The following USP18 variants were observed in gnomAD, a reference collection of about 807,000 sequenced individuals.
The protein encoded by USP18 is ubl carboxyl-terminal hydrolase 18.
USP18 carries 11 observed loss-of-function variants against 48.7 expected under a neutral mutation model. The ratio of observed to expected loss-of-function variants is 0.23; its 90% CI spans 0.14 to 0.37. The LOEUF is 0.37. Ranked by LOEUF, USP18 falls within the 10% of genes least tolerant of loss-of-function variation. The pLI, the probability that USP18 is intolerant of heterozygous loss-of-function variation, is 1.00. For missense variants in USP18, 285 were observed against 436.4 expected (o/e 0.65, Z 3.09); for synonymous variants, 114 against 163.2 (o/e 0.70, Z 2.30).
At chr22:18,163,600 G>A (rs1197959077) in intron 4 of USP18, among the ~76,000 whole-genome samples, 3 of 150,298 alleles carry the variant, frequency 2.0e-5, no homozygotes, top group Non-Finnish European at 2.9e-5. Context: ...CCGAGATTGC[G>A]CCACTGCACT....
chr22:18,155,173 T>G (rs536568959), intron 1 of USP18, among the ~76,000 whole-genome samples: 6 of 152,358 alleles, frequency 3.9e-5, no homozygotes, highest in Non-Finnish European at 1.5e-5. Context: ...CCAGGGCCAC[T>G]GTAGTTGTCA....
chr22:18,160,066 G>C, intron 2 of USP18, 106 bp from the exon 3 acceptor site: 1 of 1,052,406 alleles, frequency 9.5e-7, no homozygotes, highest in Admixed American at 1.7e-5. Flanking sequence ...CGCCCACCTC[G>C]GCCTCCCAAA....
chr22:18,169,610 A>G (rs1219321342), intron 6 of USP18, among the ~76,000 whole-genome samples: 1 of 151,994 alleles, frequency 6.6e-6, no homozygotes. Context: ...CCCAGGTAAG[A>G]CACCTGCTCC....
chr22:18,171,729 C>T (rs890348716), intron 8 of USP18, among the ~76,000 whole-genome samples: 15 of 151,942 alleles, frequency 9.9e-5, no homozygotes, highest in African/African-American at 3.4e-4. Flanking sequence ...CCTGTATGTA[C>T]GGGTCTATTT....
chr22:18,156,449 G>T (rs1929143324), intron 1 of USP18, among the ~76,000 whole-genome samples: 1 of 152,196 alleles, frequency 6.6e-6, no homozygotes, highest in South Asian at 2.1e-4. Flanking sequence ...GGTCCACACT[G>T]CCTTTATGAA....
At chr22:18,162,380 G>A (rs1929357234) in intron 4 of USP18, among the ~76,000 whole-genome samples, 2 of 149,100 alleles carry the variant, frequency 1.3e-5, no homozygotes, top group Non-Finnish European at 3.0e-5. Flanking sequence ...AAGGTTTGTA[G>A]TGTATTCACA....
At chr22:18,150,436 TAAAAC>T (rs1397607874) in intron 1 of USP18, among the ~76,000 whole-genome samples, 1 of 150,860 alleles carries the variant, frequency 6.6e-6, no homozygotes, top group Non-Finnish European at 1.5e-5. Context: ...TGTGTTTAAT[TAAAAC>T]AAAAAAAGAA....
rs377101419 is a variant in USP18 at position 18,166,650 on chromosome 22, A to C, written c.401-605A>C. On this transcript the variant is annotated intron_variant, in intron 4 of 10. Coordinates refer to ENST00000215794, the MANE Select transcript of USP18 (RefSeq NM_017414.4). ...GTATTCGCCTTCATTGCTTTCTTGC[A>C]TGTGGCCTTGTTGTCAGCCAGAGGG... 2.0e-4 allele frequency among the ~76,000 whole-genome samples: 30 copies of C among 152,164 alleles called. 1 individual carries two copies. In the East Asian group the frequency reaches 3.3e-3, roughly 17 times the overall value.
chr22:18,174,942 C>T (rs1929742260), intron 10 of USP18, among the ~76,000 whole-genome samples: 1 of 152,100 alleles, frequency 6.6e-6, no homozygotes, highest in Non-Finnish European at 1.5e-5. Context: ...GAGATGGAGT[C>T]TTGCTCTGTC....
intron 4 of USP18, among the ~76,000 whole-genome samples, chr22:18,164,316 G>C (rs1427534152): frequency 2.0e-5 from 3 of 151,786 alleles, no homozygotes; most frequent in African/African-American, 4.8e-5. Context: ...CTTTTTGCCT[G>C]TTCACGCTGC....
intron 8 of USP18, among the ~76,000 whole-genome samples, chr22:18,171,652 T>TAA (rs991088357): frequency 4.1e-5 from 6 of 146,118 alleles, no homozygotes; most frequent in South Asian, 2.2e-4. Flanking sequence ...CAAGAAAAAC[T>TAA]AAAAAAAAAA....
rs1929471461 is a variant in USP18, at chr22:18,166,119, G to A, written c.401-1136G>A. Among the ~76,000 whole-genome samples, 5 of 152,284 alleles carry A rather than the reference G, an allele frequency of 3.3e-5. No individual in the cohort carries two copies. The South Asian group carries it at 1.0e-3, about 32-fold the overall frequency. ...CTCAGCTTTTCGCTGCATAGGTACT[G>A]TGTTCAGCTTTCCTTCCGTCCTCAG... On this transcript the variant is annotated intron_variant, in intron 4 of 10. Coordinates refer to ENST00000215794, the MANE Select transcript of USP18 (RefSeq NM_017414.4).
chr22:18,150,876 C>T lies in USP18; in HGVS notation c.-107+654C>T, dbSNP rs151259629. On this transcript the variant is annotated intron_variant, in intron 1 of 10. Coordinates refer to ENST00000215794, the MANE Select transcript of USP18 (RefSeq NM_017414.4). ...CTGAGGCAGGAGAATCGCTTGAACC[C>T]GGGAGCGGAGGTTGCGGTGAGCCGA... 1.3e-3 allele frequency among the ~76,000 whole-genome samples: 196 copies of T among 152,296 alleles called. 1 individual carries two copies. The highest frequency in any genetic ancestry group is 4.5e-3 in the African/African-American group (188 of 41,552).
In USP18 at chr22:18,150,214, G is replaced by A. The variant is rs1928957418; in HGVS notation, c.-115G>A. 6.6e-6 allele frequency: 1 copy of A among 152,260 alleles called. No homozygotes were observed. Among genetic ancestry groups the A allele is most frequent in the Admixed American group, 6.5e-5 (1 of 15,292 alleles). 9.4% of individuals were successfully genotyped at this position (152,260 alleles called of 1,614,324 possible). A position where few individuals can be genotyped will look rare whatever the true frequency, so the allele number is the denominator to read the frequency against. ...GCAGCGGAGGCTGGACGCTTGCATG[G>A]CGCTTGAGGCAAGTTCGGGGCTCAT... On this transcript the variant is annotated 5_prime_UTR_variant, in exon 1 of 11. Coordinates refer to ENST00000215794, the MANE Select transcript of USP18 (RefSeq NM_017414.4).
intron 1 of USP18, among the ~76,000 whole-genome samples, chr22:18,157,219 G>A (rs1929182613): frequency 6.6e-6 from 1 of 152,244 alleles, no homozygotes; most frequent in Non-Finnish European, 1.5e-5. Context: ...ATGCCAGCCT[G>A]GCATCAGGGG....
At chr22:18,172,702 G>T (rs1929664822) in intron 8 of USP18, among the ~76,000 whole-genome samples, 1 of 151,220 alleles carries the variant, frequency 6.6e-6, no homozygotes, top group Admixed American at 6.6e-5. Context: ...ATGGAAATAG[G>T]GATAATTTCA....
At chr22:18,154,345 T>A (rs1929072701) in intron 1 of USP18, among the ~76,000 whole-genome samples, 1 of 152,206 alleles carries the variant, frequency 6.6e-6, no homozygotes, top group African/African-American at 2.4e-5. Context: ...CAGTAATTAA[T>A]TCACATGGCT....
rs1398780671 is a variant in USP18 at position 18,170,776 on chromosome 22, C to T, written c.747C>T (p.Pro249=). 6.8e-6 allele frequency: 11 copies of T among 1,607,230 alleles called. No homozygotes were observed. Among genetic ancestry groups the T allele is most frequent in the African/African-American group, 1.4e-5 (1 of 71,464 alleles). ...GKQVLKLTHL[P]QTLTIHLMRF... ...AGGTCTTGAAGCTGACCCATTTGCC[C>T]CAGACCCTGACAATCCACCTCATGC... The change falls in exon 8 of 11, where the codon CCC becomes CCT. Residue 249 remains proline (P), a synonymous_variant. Coordinates refer to ENST00000215794, the MANE Select transcript of USP18 (RefSeq NM_017414.4).
At chr22:18,172,768 C>T (rs1014755561) in intron 8 of USP18, among the ~76,000 whole-genome samples, 1 of 150,884 alleles carries the variant, frequency 6.6e-6, no homozygotes, top group African/African-American at 2.4e-5. Context: ...TCTGTCTCCC[C>T]TCCCCCTACA....
Sources: gnomAD v4.1 joint callset for allele counts (sites outside exome capture counted in the v4.1 genomes callset) on GRCh38, gnomAD v4.1.1 for gene constraint, MANE v1.5 for transcripts, NCBI Gene and HGNC (gene_info 2026-07-23, HGNC 2026-07-21) for gene names.